The following POLR2D variants were observed in gnomAD, a reference collection of about 807,000 sequenced individuals.
POLR2D encodes the protein DNA-directed RNA polymerase II subunit RPB4.
A neutral mutation model predicts 17.6 loss-of-function variants in POLR2D; 10 were observed. The ratio of observed to expected loss-of-function variants is 0.57; its 90% CI spans 0.35 to 0.96. The LOEUF (loss-of-function observed/expected upper bound fraction) is 0.96, where lower values mean the gene tolerates loss of function less well. Among genes scored for constraint, POLR2D ranks in the 40% least tolerant of loss-of-function variants. POLR2D has a pLI of 0.02. For missense variants in POLR2D, 126 were observed against 176.4 expected (o/e 0.71, Z 1.62); for synonymous variants, 52 against 60.2 (o/e 0.86, Z 0.63).
chr2:127,852,948 T>C lies in POLR2D; in HGVS notation c.231A>G (p.Arg77=). 6.2e-7 allele frequency: 1 copy of C among 1,613,800 alleles called. No homozygotes were observed. Among genetic ancestry groups the C allele is most frequent in the East Asian group, 2.2e-5 (1 of 44,890 alleles). Residue 77 remains arginine, a synonymous_variant, in exon 2 of 4, where the codon AGA becomes AGG. Transcript: ENST00000272645. The surrounding 1 kb of genome is among the most constrained non-coding windows in gnomAD (Gnocchi z 4.0). ...ACCTACGAACACTGGCAATGGTCTC[T>C]CTGTTTTTGAAACGACTGAAACGGG... ...YTARFSRFKN[R]ETIASVRSLL... is the part of the protein sequence containing the mutation.
At chr2:127,851,825 A>T (rs1299245350) in intron 2 of POLR2D, among the ~76,000 whole-genome samples, 1 of 151,994 alleles carries the variant, frequency 6.6e-6, no homozygotes, top group African/African-American at 2.4e-5. Flanking sequence ...GTCTCACTCT[A>T]TGTCACCCGG....
chr2:127,853,544 T>C (rs1690282524), intron 1 of POLR2D, among the ~76,000 whole-genome samples: 1 of 151,796 alleles, frequency 6.6e-6, no homozygotes, highest in African/African-American at 2.4e-5. Flanking sequence ...GCAAAAGATA[T>C]GATTTCGTTC....
chr2:127,856,881 CA>C (rs753157722), intron 1 of POLR2D: 1 of 152,006 alleles, frequency 6.6e-6, no homozygotes, highest in Admixed American at 6.6e-5. Flanking sequence ...ACTGAAAATA[CA>C]AAAATTAGCC....
chr2:127,850,654 C>G lies in POLR2D; in HGVS notation c.286G>C (p.Glu96Gln). Residue 96 changes from glutamate to glutamine, a missense_variant, in exon 3 of 4, where the codon GAG becomes CAG. This residue lies in a region of POLR2D where 85 missense variants were observed against 151.4 expected (regional missense o/e 0.56). Transcript: ENST00000272645. ...CAAAGGTTGGCCAAACAGGCCAACT[C>G]AAACTTATGAAGCTTTTTCTGGAGT... ...LLLQKKLHKF[E>Q]LACLANLCPE... 6 of 1,576,826 alleles carry G rather than the reference C, an allele frequency of 3.8e-6. No homozygotes were observed. The highest frequency in any genetic ancestry group is 5.2e-6 in the Non-Finnish European group (6 of 1,159,234).
chr2:127,850,440 C>CAAAAAAAAAAA (rs60975701), intron 3 of POLR2D, 150 bp downstream of exon 3: 14 of 108,470 alleles, frequency 1.3e-4, no homozygotes, highest in East Asian at 8.4e-4. Flanking sequence ...AACTCCGTCT[C>CAAAAAAAAAAA]AAAAAAAAAA....
chr2:127,853,678 C>T (rs929644695), intron 1 of POLR2D, among the ~76,000 whole-genome samples: 1 of 152,070 alleles, frequency 6.6e-6, no homozygotes, highest in Non-Finnish European at 1.5e-5. Flanking sequence ...CCCATCTCGG[C>T]CTCCCAGGTA....
chr2:127,857,288 A>AT (rs1690352966), intron 1 of POLR2D: 1 of 152,206 alleles, frequency 6.6e-6, no homozygotes, highest in Non-Finnish European at 1.5e-5. Flanking sequence ...ACTATACTCC[A>AT]GCCTCAACAA....
rs948729674 is a variant in POLR2D, at chr2:127,852,783, T to C, written c.254+142A>G. 6.0e-6 allele frequency: 4 copies of C among 669,742 alleles called. No individual in the cohort carries two copies. Among genetic ancestry groups the C allele is most frequent in the African/African-American group, 5.4e-5 (3 of 55,454 alleles). 41.5% of individuals were successfully genotyped at this position (669,742 alleles called of 1,614,324 possible). On this transcript the variant is annotated intron_variant, in intron 2 of 3. Coordinates refer to ENST00000272645, the MANE Select transcript of POLR2D (RefSeq NM_004805.4). This position sits in a 1 kb window ranked among gnomAD's most constrained non-coding sequence, Gnocchi z 4.0. ...GATCTGCTGCCTCAACCTTCCAAAG[T>C]GCTGGGTGTGAGCCACCATGCCCAG...
At chr2:127,850,183 G>A (rs954443054) in intron 3 of POLR2D, among the ~76,000 whole-genome samples, 3 of 152,160 alleles carry the variant, frequency 2.0e-5, no homozygotes, top group Non-Finnish European at 2.9e-5. Flanking sequence ...GCTCACGCCT[G>A]TAATCCCAGC....
chr2:127,857,968 G>A, intron 1 of POLR2D, 60 bp downstream of exon 1: 12 of 1,554,732 alleles, frequency 7.7e-6, no homozygotes, highest in Admixed American at 1.9e-5. Context: ...CGCGCATAAC[G>A]CCAGGCCTGC....
Position 127,852,895 on chromosome 2 carries a change from G to A in POLR2D, c.254+30C>T, listed in dbSNP as rs1257055498. 1.3e-6 allele frequency: 2 copies of A among 1,529,968 alleles called. No homozygotes were observed. Among genetic ancestry groups the A allele is most frequent in the Non-Finnish European group, 1.8e-6 (2 of 1,108,418 alleles). The allele number at this position is 1,529,968 out of a possible 1,614,324, so 94.8% of individuals were successfully genotyped here. The stretch of plus-strand genomic sequence containing the variant: ...CTACATGCAGTTGTCCAATGGTTTG[G>A]ATTAATAAAAACTTTCTTTTAGCAC... On this transcript the variant is annotated intron_variant, in intron 2 of 3. Transcript: ENST00000272645. The surrounding 1 kb of genome is among the most constrained non-coding windows in gnomAD (Gnocchi z 4.0).
chr2:127,855,613 G>A (rs565460056), intron 1 of POLR2D, among the ~76,000 whole-genome samples: 16 of 152,258 alleles, frequency 1.1e-4, no homozygotes, highest in Admixed American at 3.9e-4. Context: ...AGAGTGCCTA[G>A]GAAAGTGGTG....
intron 3 of POLR2D, among the ~76,000 whole-genome samples, chr2:127,850,168 C>A (rs1037139174): frequency 6.6e-6 from 1 of 152,056 alleles, no homozygotes; most frequent in Non-Finnish European, 1.5e-5. Flanking sequence ...TGGCTGGGCA[C>A]GGTGGCTCAC....
intron 2 of POLR2D, among the ~76,000 whole-genome samples, 172 bp from the exon 3 acceptor site, chr2:127,850,857 TGG>T (rs1690240778): frequency 6.6e-6 from 1 of 151,666 alleles, no homozygotes; most frequent in Non-Finnish European, 1.5e-5. Context: ...GAGGCCAAGG[TGG>T]GTAATCACTT....
chr2:127,858,090 CCCGCCGCCATCGCCGCGCCGCGCCGCGCG>C lies in POLR2D; in HGVS notation c.-19_10del. The C allele has an allele frequency of 6.6e-7, 1 of 1,515,548 alleles. No homozygotes were observed. Among genetic ancestry groups the C allele is most frequent in the Non-Finnish European group, 8.8e-7 (1 of 1,133,640 alleles). 93.9% of individuals were successfully genotyped at this position (1,515,548 alleles called of 1,614,324 possible). On this transcript the variant is annotated start_lost and 5_prime_UTR_variant, in exon 1 of 4. Coordinates refer to ENST00000272645, the MANE Select transcript of POLR2D (RefSeq NM_004805.4). ...GTCGCCAGCCCGCGGATCGCTGCCACCCGCCGCCATCGCCGCGCCGCGCCGCGCGCCACCACCAGCGCCGCCGGAAGCAG... is the reference window on the plus strand; with the variant it reads ...GTCGCCAGCCCGCGGATCGCTGCCACCCACCACCAGCGCCGCCGGAAGCAG...
chr2:127,854,624 T>C (rs1175953121), intron 1 of POLR2D, among the ~76,000 whole-genome samples: 4 of 152,204 alleles, frequency 2.6e-5, no homozygotes, highest in Non-Finnish European at 5.9e-5. Context: ...AGGAGGAAAC[T>C]GTATTTTTAT....
At chr2:127,855,449 A>C (rs1690312429) in intron 1 of POLR2D, among the ~76,000 whole-genome samples, 1 of 152,012 alleles carries the variant, frequency 6.6e-6, no homozygotes, top group African/African-American at 2.4e-5. Flanking sequence ...ACTAAACCAA[A>C]TTACTTGTTA....
intron 1 of POLR2D, among the ~76,000 whole-genome samples, chr2:127,856,610 A>T (rs1290404174): frequency 6.6e-6 from 1 of 150,786 alleles, no homozygotes; most frequent in African/African-American, 2.4e-5. Flanking sequence ...AAAAAAAATT[A>T]AAAAAAATAA....
rs1264778784 is a variant in POLR2D at position 127,852,927 on chromosome 2, A to G, written c.252T>C (p.Arg84=). The G allele has an allele frequency of 2.5e-6, 4 of 1,612,534 alleles. No individual in the cohort carries two copies. Among genetic ancestry groups the G allele is most frequent in the Non-Finnish European group, 2.5e-6 (3 of 1,178,832 alleles). ...FKNRETIASV[R]SLLLQKKLHK... ...AAAAACTTTCTTTTAGCACTCACCTACGAACACTGGCAATGGTCTCTCTGT... is the reference window on the plus strand; with the variant it reads ...AAAAACTTTCTTTTAGCACTCACCTGCGAACACTGGCAATGGTCTCTCTGT... Residue 84 remains arginine, a splice_region_variant and synonymous_variant, in exon 2 of 4, where the codon CGT becomes CGC. Coordinates refer to ENST00000272645, the MANE Select transcript of POLR2D (RefSeq NM_004805.4). This position sits in a 1 kb window ranked among gnomAD's most constrained non-coding sequence, Gnocchi z 4.0.
Sources: allele counts gnomAD v4.1 joint callset (sites outside exome capture counted in the v4.1 genomes callset), GRCh38; gene constraint gnomAD v4.1.1; regional missense constraint gnomAD v4.1.1; non-coding constraint Gnocchi (gnomAD v3.1); transcripts MANE v1.5; gene names NCBI Gene and HGNC (gene_info 2026-07-23, HGNC 2026-07-21).